Variants in BRIP1 observed in about 807,000 individuals in gnomAD.
BRIP1 encodes the protein BRCA1 interacting DNA helicase 1.
In BRIP1, 88 loss-of-function variants were observed where a neutral mutation model predicts 119.7. That is an observed-to-expected ratio of 0.74 (90% CI 0.62 to 0.88). The LOEUF is 0.88. BRIP1 is among the 40% of genes least tolerant of loss of function. BRIP1 has a pLI of 0.00. For synonymous variants in BRIP1, 443 were observed against 496.5 expected, an observed-to-expected ratio of 0.89 and a Z score of 1.43; for missense variants, 1,259 against 1,455.4, an observed-to-expected ratio of 0.87 and a Z score of 2.20.
At chr17:61,688,816 T>C (rs1267098565) in intron 18 of BRIP1, among the ~76,000 whole-genome samples, 1 of 147,370 alleles carries the variant, frequency 6.8e-6, no homozygotes, top group Non-Finnish European at 1.5e-5. Flanking sequence ...GTCAACATGA[T>C]GCTCACAAGT....
In BRIP1 at chr17:61,774,091, T is replaced by C. The variant is rs9903159; in HGVS notation, c.2097+2310A>G. Among the ~76,000 whole-genome samples the C allele has an allele frequency of 0.02, 3,110 of 152,254 alleles. 100 individuals carry two copies. Among genetic ancestry groups the C allele is most frequent in the African/African-American group, 0.07 (2,913 of 41,522 alleles). On this transcript the variant is annotated intron_variant, in intron 14 of 19. Transcript: ENST00000259008. The surrounding 1 kb of genome is among the most constrained non-coding windows in gnomAD (Gnocchi z 5.8). ...CCCAGTCATCACATTACTGGGTATA[T>C]ACCCAAAGGATTATAAATCATGCTA...
At chr17:61,838,750 C>G (rs1026463565) in intron 6 of BRIP1, among the ~76,000 whole-genome samples, 2 of 151,126 alleles carry the variant, frequency 1.3e-5, no homozygotes, top group East Asian at 1.9e-4. Context: ...GCATTTTGGT[C>G]TGAAGAAAAA....
Position 61,816,629 on chromosome 17 carries a change from A to G in BRIP1, c.628-7872T>C, listed in dbSNP as rs16945643. Among the ~76,000 whole-genome samples, 17,764 of 152,198 alleles carry G rather than the reference A, an allele frequency of 0.12. 1,297 individuals carry two copies. Among genetic ancestry groups the G allele is most frequent in the South Asian group, 0.24 (1,147 of 4,820 alleles). The stretch of plus-strand genomic sequence containing the variant: ...ATCATAAAGATGACTGACCTGCTAT[A>G]AAGCAAAAATTATCCTGGTATAATA... On this transcript the variant is annotated intron_variant, in intron 6 of 19. Transcript: ENST00000259008. This position sits in a 1 kb window ranked among gnomAD's most constrained non-coding sequence, Gnocchi z 5.0.
chr17:61,834,422 T>C lies in BRIP1; in HGVS notation c.627+12679A>G, dbSNP rs368087079. ...TTTTTTTGAGAGCCTGGAGAAAACA[T>C]AGTAGTGTTCTCTATGGTGGAAATG... On this transcript the variant is annotated intron_variant, in intron 6 of 19. Coordinates refer to ENST00000259008, the MANE Select transcript of BRIP1 (RefSeq NM_032043.3). The surrounding 1 kb of genome is among the most constrained non-coding windows in gnomAD (Gnocchi z 4.4). Among the ~76,000 whole-genome samples, 2 of 152,026 alleles carry C rather than the reference T, an allele frequency of 1.3e-5. No homozygotes were observed. The highest frequency in any genetic ancestry group is 2.9e-5 in the Non-Finnish European group (2 of 68,008).
rs1212299603 is a variant in BRIP1 at position 61,680,175 on chromosome 17, G to A, written c.*3121C>T. Among the ~76,000 whole-genome samples, 1 of 132,914 alleles carries A rather than the reference G, an allele frequency of 7.5e-6. No individual in the cohort carries two copies. 87.2% of individuals were successfully genotyped at this position (132,914 alleles called of 152,430 possible). A position where few individuals can be genotyped will look rare whatever the true frequency, so the allele number is the denominator to read the frequency against. Reference sequence around the variant, plus strand: ...CTGGCCAACATGGTGAAACCCTGTCGATACTTAAAAAAAAAAAAAAAAAAA... The same window carrying A: ...CTGGCCAACATGGTGAAACCCTGTCAATACTTAAAAAAAAAAAAAAAAAAA... On this transcript the variant is annotated 3_prime_UTR_variant, in exon 20 of 20. Transcript: ENST00000259008.
rs1470340961 is a variant in BRIP1, at chr17:61,720,790, T to C, written c.2380-4727A>G. On this transcript the variant is annotated intron_variant, in intron 16 of 19. Transcript: ENST00000259008. The surrounding 1 kb of genome is among the most constrained non-coding windows in gnomAD (Gnocchi z 4.3). ...TACTTAATAATACTTTACTAAATTG[T>C]AAACCTACTCAAGAAAAAACAAAGT... 6.6e-6 allele frequency among the ~76,000 whole-genome samples: 1 copy of C among 152,212 alleles called. No individual in the cohort carries two copies. The highest frequency in any genetic ancestry group is 1.5e-5 in the Non-Finnish European group (1 of 68,044).
chr17:61,811,987 C>G (rs1203059328), intron 6 of BRIP1, among the ~76,000 whole-genome samples: 1 of 152,130 alleles, frequency 6.6e-6, no homozygotes, highest in East Asian at 1.9e-4. Flanking sequence ...TTGGTACAAT[C>G]ATATTTGAAG....
At position 61,805,505 on chromosome 17, in the gene BRIP1, C is replaced by T. The variant is rs1603345180; in HGVS notation, c.918+2962G>A. On this transcript the variant is annotated intron_variant, in intron 7 of 19. Transcript: ENST00000259008. This position sits in a 1 kb window ranked among gnomAD's most constrained non-coding sequence, Gnocchi z 5.6. ...TTTGTTTCTAGTGTAACCAAAATAG[C>T]AATGGATGAGGAATCAGAAAATTTG... 6.6e-6 allele frequency among the ~76,000 whole-genome samples: 1 copy of T among 152,110 alleles called. No homozygotes were observed. Among genetic ancestry groups the T allele is most frequent in the Admixed American group, 6.6e-5 (1 of 15,266 alleles).
chr17:61,858,463 T>G (rs1175769928), intron 3 of BRIP1, among the ~76,000 whole-genome samples: 1 of 150,198 alleles, frequency 6.7e-6, no homozygotes, highest in African/African-American at 2.5e-5. Context: ...AACCTCCACC[T>G]CCCAGGTTCA....
Position 61,825,475 on chromosome 17 carries a change from C to A in BRIP1, c.628-16718G>T, listed in dbSNP as rs2078391909. On this transcript the variant is annotated intron_variant, in intron 6 of 19. Transcript: ENST00000259008. This position sits in a 1 kb window ranked among gnomAD's most constrained non-coding sequence, Gnocchi z 4.1. ...GACATGATCCTATATCTAGAAAACT[C>A]CACAGTCTCAGCCCAAAACCTCCTT... 6.6e-6 allele frequency among the ~76,000 whole-genome samples: 1 copy of A among 151,786 alleles called. No individual in the cohort carries two copies. Among genetic ancestry groups the A allele is most frequent in the South Asian group, 2.1e-4 (1 of 4,800 alleles).
At chr17:61,715,910 C>T (rs1270391874) in intron 17 of BRIP1, 41 bp downstream of exon 17, 4 of 1,268,956 alleles carry the variant, frequency 3.2e-6, no homozygotes, top group African/African-American at 2.9e-5. Flanking sequence ...TATATATAGC[C>T]CTGTCACAGA....
intron 6 of BRIP1, among the ~76,000 whole-genome samples, chr17:61,836,109 T>TC: frequency 3.6e-3 from 1 of 280 alleles, no homozygotes; most frequent in African/African-American, 0.01. Flanking sequence ...GTTATTACTC[T>TC]TTTTTTTTTT....
In BRIP1 at chr17:61,770,069, C is replaced by T. The variant is rs535964065; in HGVS notation, c.2097+6332G>A. 2.0e-5 allele frequency among the ~76,000 whole-genome samples: 3 copies of T among 152,290 alleles called. No individual in the cohort carries two copies. The East Asian group carries it at 5.8e-4, about 29-fold the overall frequency. On this transcript the variant is annotated intron_variant, in intron 14 of 19. Transcript: ENST00000259008. This position sits in a 1 kb window ranked among gnomAD's most constrained non-coding sequence, Gnocchi z 4.7. ...TTCTCTAAAACAATGGCCAGTCTGC[C>T]AGTAAGGAAGATTTTACCAGATCCT...
In BRIP1 at chr17:61,825,357, T is replaced by C. The variant is rs1001150767; in HGVS notation, c.628-16600A>G. Among the ~76,000 whole-genome samples the C allele has an allele frequency of 2.0e-5, 3 of 151,458 alleles. No homozygotes were observed. The highest frequency in any genetic ancestry group is 7.3e-5 in the African/African-American group (3 of 41,196). ...CTCACCACTCTTATTAAACATATTA[T>C]TGGAAGTCCTGGCCAGGGCAATCTG... On this transcript the variant is annotated intron_variant, in intron 6 of 19. Coordinates refer to ENST00000259008, the MANE Select transcript of BRIP1 (RefSeq NM_032043.3). This position sits in a 1 kb window ranked among gnomAD's most constrained non-coding sequence, Gnocchi z 4.1.
At chr17:61,787,144 T>G (rs1376269118) in intron 10 of BRIP1, among the ~76,000 whole-genome samples, 1 of 103,448 alleles carries the variant, frequency 9.7e-6, no homozygotes, top group Middle Eastern at 0.013. Flanking sequence ...ATATAAAATA[T>G]ATAAAAATAT....
In BRIP1 at chr17:61,795,070, T is replaced by C. The variant is rs2145259192; in HGVS notation, c.1341-1341A>G. On this transcript the variant is annotated intron_variant, in intron 9 of 19. Coordinates refer to ENST00000259008, the MANE Select transcript of BRIP1 (RefSeq NM_032043.3). The surrounding 1 kb of genome is among the most constrained non-coding windows in gnomAD (Gnocchi z 5.6). Reference sequence around the variant, plus strand: ...AGTCATCATAAGAAATCTGAATTTATTCAAAGGGCAATGGGAAGGCTTGGG... The same window carrying C: ...AGTCATCATAAGAAATCTGAATTTACTCAAAGGGCAATGGGAAGGCTTGGG... Among the ~76,000 whole-genome samples, 1 of 152,198 alleles carries C rather than the reference T, an allele frequency of 6.6e-6. No homozygotes were observed. Among genetic ancestry groups the C allele is most frequent in the East Asian group, 1.9e-4 (1 of 5,176 alleles).
rs950706253 is a variant in BRIP1, at chr17:61,740,079, G to A, written c.2379+2934C>T. Among the ~76,000 whole-genome samples the A allele has an allele frequency of 2.6e-5, 4 of 152,056 alleles. No individual in the cohort carries two copies. Among genetic ancestry groups the A allele is most frequent in the Non-Finnish European group, 5.9e-5 (4 of 68,022 alleles). On this transcript the variant is annotated intron_variant, in intron 16 of 19. Coordinates refer to ENST00000259008, the MANE Select transcript of BRIP1 (RefSeq NM_032043.3). The surrounding 1 kb of genome is among the most constrained non-coding windows in gnomAD (Gnocchi z 5.4). ...TCTGGAGCTAAGTGGAATTCATTAG[G>A]TGAACTCCATTATCCCAGTTCTCTG...
Position 61,765,382 on chromosome 17 carries a change from TATATATATATATATATA to T in BRIP1, c.2097+11002_2097+11018del, listed in dbSNP as rs2077341886. Among the ~76,000 whole-genome samples the T allele has an allele frequency of 8.9e-3, 163 of 18,296 alleles. 1 individual carries two copies. Among genetic ancestry groups the T allele is most frequent in the Non-Finnish European group, 8.4e-3 (89 of 10,650 alleles). The allele number at this position is 18,296 out of a possible 152,430, so 12.0% of individuals were successfully genotyped here. On this transcript the variant is annotated intron_variant, in intron 14 of 19. Coordinates refer to ENST00000259008, the MANE Select transcript of BRIP1 (RefSeq NM_032043.3). ...TGTGTGTGTGTGTGTGTATATATTA[TATATATATATATATATA>T]TATATATATATATATATATATATAT... is the stretch of plus-strand genomic sequence containing the variant.
Position 61,860,083 on chromosome 17 carries a change from C to T in BRIP1, c.94-176G>A, listed in dbSNP as rs555395826. 1.3e-5 allele frequency among the ~76,000 whole-genome samples: 2 copies of T among 152,250 alleles called. No individual in the cohort carries two copies. Among genetic ancestry groups the T allele is most frequent in the Admixed American group, 1.3e-4 (2 of 15,294 alleles). On this transcript the variant is annotated intron_variant, in intron 2 of 19. Coordinates refer to ENST00000259008, the MANE Select transcript of BRIP1 (RefSeq NM_032043.3). This position sits in a 1 kb window ranked among gnomAD's most constrained non-coding sequence, Gnocchi z 4.1. ...CAAACTGTATTCCTTTACACCTCTC[C>T]CTAAGATTATCTTACTAAAATATCA...
Sources: gnomAD v4.1 joint callset for allele counts (sites outside exome capture counted in the v4.1 genomes callset) on GRCh38, gnomAD v4.1.1 for gene constraint, Gnocchi (gnomAD v3.1) non-coding constraint, MANE v1.5 for transcripts, NCBI Gene and HGNC (gene_info 2026-07-23, HGNC 2026-07-21) for gene names.